Variants in NRG1 observed in about 807,000 individuals in gnomAD.
The protein encoded by NRG1 is neuregulin 1, also known as pro-neuregulin-1, membrane-bound isoform.
Under a neutral mutation model 63.8 loss-of-function variants are expected in NRG1, and 18 were observed. That is an observed-to-expected ratio of 0.28 (90% CI 0.19 to 0.42). The LOEUF (loss-of-function observed/expected upper bound fraction) is 0.42, where lower values mean the gene tolerates loss of function less well. NRG1 is among the 10% of genes least tolerant of loss of function. The probability of loss-of-function intolerance (pLI) is 1.00; values close to 1 mark genes in which losing one functional copy is unlikely to be tolerated. For synonymous variants in NRG1, 302 were observed against 301.3 expected, an observed-to-expected ratio of 1.00 and a Z score of -0.02; for missense variants, 762 against 814.7, an observed-to-expected ratio of 0.94 and a Z score of 0.79.
chr8:32,230,018 A>G (rs1034939819), intron 1 of NRG1, among the ~76,000 whole-genome samples: 3 of 152,076 alleles, frequency 2.0e-5, no homozygotes, highest in Non-Finnish European at 4.4e-5. Flanking sequence ...CACGCGCCTA[A>G]AAGTTTTCAC....
At chr8:31,951,635 C>T (rs1415513939) in intron 1 of NRG1, among the ~76,000 whole-genome samples, 1 of 152,056 alleles carries the variant, frequency 6.6e-6, no homozygotes, top group South Asian at 2.1e-4. Context: ...GTGTCACTGC[C>T]ATGCTAGGAA....
intron 1 of NRG1, among the ~76,000 whole-genome samples, chr8:31,956,229 TGAGA>T (rs1478726293): frequency 6.6e-6 from 1 of 151,778 alleles, no homozygotes; most frequent in African/African-American, 2.4e-5. Flanking sequence ...ATTTAAAAAA[TGAGA>T]GAGAAAGAGA....
chr8:31,844,489 A>G (rs1826487583), intron 1 of NRG1, among the ~76,000 whole-genome samples: 1 of 152,112 alleles, frequency 6.6e-6, no homozygotes, highest in South Asian at 2.1e-4. Context: ...ATGATGGTGG[A>G]TTTTCCTGCT....
At chr8:32,589,102 A>G (rs1261235461) in intron 1 of NRG1, among the ~76,000 whole-genome samples, 1 of 152,200 alleles carries the variant, frequency 6.6e-6, no homozygotes, top group Non-Finnish European at 1.5e-5. Flanking sequence ...TACCATTACC[A>G]CTAGAATGTG....
chr8:32,646,526 C>G (rs1034220619), intron 5 of NRG1, among the ~76,000 whole-genome samples: 9 of 152,116 alleles, frequency 5.9e-5, no homozygotes, highest in Admixed American at 5.9e-4. Flanking sequence ...AGGTCCAACC[C>G]ATAAGGTCCC....
At chr8:32,128,698 A>G (rs536818851) in intron 1 of NRG1, among the ~76,000 whole-genome samples, 49 of 151,970 alleles carry the variant, frequency 3.2e-4, no homozygotes, top group African/African-American at 9.6e-4. Context: ...TTTTTTCTCA[A>G]TGGAAATCTG....
At chr8:32,088,844 C>T (rs1800690995) in intron 1 of NRG1, among the ~76,000 whole-genome samples, 1 of 151,934 alleles carries the variant, frequency 6.6e-6, no homozygotes, top group Admixed American at 6.6e-5. Flanking sequence ...GCCTCTCAGT[C>T]CTCTATGTTA....
chr8:32,703,796 T>C (rs556932759), intron 5 of NRG1, among the ~76,000 whole-genome samples: 42 of 152,302 alleles, frequency 2.8e-4, no homozygotes, highest in Admixed American at 2.1e-3. Flanking sequence ...TTGAAAGCTA[T>C]TGCTGTCATT....
intron 1 of NRG1, among the ~76,000 whole-genome samples, chr8:32,435,510 T>A (rs1162315238): frequency 1.3e-5 from 2 of 152,178 alleles, no homozygotes; most frequent in Non-Finnish European, 2.9e-5. Context: ...TTTTGCATAA[T>A]CCAAGTATTT....
At chr8:32,327,210 C>G (rs1802123489) in intron 1 of NRG1, among the ~76,000 whole-genome samples, 1 of 152,122 alleles carries the variant, frequency 6.6e-6, no homozygotes, top group Admixed American at 6.5e-5. Context: ...AGAGAGGAAG[C>G]AAAGGAGAAT....
intron 1 of NRG1, among the ~76,000 whole-genome samples, chr8:31,809,701 A>G (rs577748415): frequency 7.8e-6 from 1 of 128,314 alleles, no homozygotes; most frequent in East Asian, 2.3e-4. Flanking sequence ...CTAGTTCATT[A>G]TTCCTATTTC....
chr8:32,222,032 C>CAT (rs60839450), intron 1 of NRG1, among the ~76,000 whole-genome samples: 64,943 of 125,576 alleles, frequency 0.52, 16,130 homozygotes, highest in Admixed American at 0.66. Flanking sequence ...TGGAAACATA[C>CAT]ATACACACAC....
At chr8:31,845,339 A>T (rs765039111) in intron 1 of NRG1, among the ~76,000 whole-genome samples, 1 of 152,126 alleles carries the variant, frequency 6.6e-6, no homozygotes, top group Non-Finnish European at 1.5e-5. Context: ...TCTATTCTTC[A>T]TTAACTTATT....
At chr8:31,682,466 A>ATAT (rs1268095319) in intron 1 of NRG1, among the ~76,000 whole-genome samples, 1 of 152,200 alleles carries the variant, frequency 6.6e-6, no homozygotes, top group East Asian at 1.9e-4. Context: ...AGGGCTGTGC[A>ATAT]TATAATAAAG....
intron 1 of NRG1, among the ~76,000 whole-genome samples, chr8:32,433,818 A>G (rs1818461936): frequency 6.6e-6 from 1 of 152,232 alleles, no homozygotes; most frequent in Non-Finnish European, 1.5e-5. Flanking sequence ...AATATTTCTC[A>G]TAGCATAAAT....
chr8:32,088,583 T>G (rs1406969689), intron 1 of NRG1, among the ~76,000 whole-genome samples: 1 of 150,390 alleles, frequency 6.6e-6, no homozygotes, highest in Non-Finnish European at 1.5e-5. Context: ...AGTGGTGCGA[T>G]CTGGGCTCAT....
chr8:31,912,373 A>G (rs1585697326), intron 1 of NRG1, among the ~76,000 whole-genome samples: 1 of 152,060 alleles, frequency 6.6e-6, no homozygotes. Flanking sequence ...GAGCTTAGGC[A>G]CAGGAGCAGA....
At chr8:32,178,257 A>G (rs1841021199) in intron 1 of NRG1, among the ~76,000 whole-genome samples, 1 of 152,166 alleles carries the variant, frequency 6.6e-6, no homozygotes, top group Non-Finnish European at 1.5e-5. Context: ...TTTTAGGTTA[A>G]GGAATTCCCA....
At chr8:31,997,924 C>A (rs1227042835) in intron 1 of NRG1, among the ~76,000 whole-genome samples, 3 of 151,924 alleles carry the variant, frequency 2.0e-5, no homozygotes, top group African/African-American at 7.2e-5. Context: ...GAAGGCATAG[C>A]CAATAAATGG....
Sources: gnomAD v4.1 joint callset for allele counts (sites outside exome capture counted in the v4.1 genomes callset) on GRCh38, gnomAD v4.1.1 for gene constraint, MANE v1.5 for transcripts, NCBI Gene and HGNC (gene_info 2026-07-23, HGNC 2026-07-21) for gene names.